The following PKHD1L1 variants were observed in gnomAD, a reference collection of about 807,000 sequenced individuals.
The protein encoded by PKHD1L1 is PKHD1 like 1.
Under a neutral mutation model 462.9 loss-of-function variants are expected in PKHD1L1, and 434 were observed. The ratio of observed to expected loss-of-function variants is 0.94; its 90% CI spans 0.87 to 1.02. The LOEUF (loss-of-function observed/expected upper bound fraction) is 1.02. PKHD1L1 is among the 50% of genes least tolerant of loss of function. The pLI, the probability that PKHD1L1 is intolerant of heterozygous loss-of-function variation, is 0.00. For missense variants in PKHD1L1, 5,202 were observed against 5,096.1 expected (o/e 1.02, Z -0.63); for synonymous variants, 1,781 against 1,750.0 (o/e 1.02, Z -0.44).
At chr8:109,448,416 G>A (rs185796740) in intron 39 of PKHD1L1, 25 bp downstream of exon 39, 4 of 1,564,722 alleles carry the variant, frequency 2.6e-6, no homozygotes, top group African/African-American at 1.4e-5. Context: ...GCAAGAACCT[G>A]CAGATATTTT....
At position 109,442,998 on chromosome 8, in the gene PKHD1L1, G is replaced by T. The variant is rs1443621775; in HGVS notation, c.4446G>T (p.Gly1482=). The change falls in exon 36 of 78, where the codon GGG becomes GGT. Residue 1482 remains glycine (G), a synonymous_variant. Transcript: ENST00000378402. ...CTGGAATCCATTATTATAGCAGCGG[G>T]TATGTTGATGAGGCTCACTCCATTT... ...TSPGIHYYSS[G]YVDEAHSIFL... is the part of the protein sequence containing the mutation. 6.2e-7 allele frequency: 1 copy of T among 1,613,452 alleles called. No homozygotes were observed. Among genetic ancestry groups the T allele is most frequent in the East Asian group, 2.2e-5 (1 of 44,898 alleles).
chr8:109,402,901 TC>T (rs1813346238), intron 14 of PKHD1L1, among the ~76,000 whole-genome samples: 1 of 152,130 alleles, frequency 6.6e-6, no homozygotes, highest in South Asian at 2.1e-4. Context: ...AGAGTTTCAT[TC>T]CTTTTTTATC....
intron 70 of PKHD1L1, among the ~76,000 whole-genome samples, chr8:109,510,128 C>G (rs1445925455): frequency 6.6e-6 from 1 of 152,026 alleles, no homozygotes; most frequent in East Asian, 1.9e-4. Context: ...TCATAACTGT[C>G]AACAAAAATT....
chr8:109,470,864 A>C, intron 50 of PKHD1L1: 1 of 1,517,360 alleles, frequency 6.6e-7, no homozygotes, highest in Non-Finnish European at 9.1e-7. Context: ...GCAGGAAAGA[A>C]GATCCTGAAA....
intron 21 of PKHD1L1, among the ~76,000 whole-genome samples, chr8:109,418,531 T>C (rs980378825): frequency 4.1e-4 from 63 of 152,364 alleles, no homozygotes; most frequent in African/African-American, 1.4e-3. Context: ...GGGATTCCAA[T>C]GCAGTTATGA....
intron 63 of PKHD1L1, among the ~76,000 whole-genome samples, chr8:109,496,379 CAGA>C (rs1373501492): frequency 7.2e-5 from 11 of 152,194 alleles, no homozygotes; most frequent in South Asian, 2.1e-4. Flanking sequence ...ATGGGATGGC[CAGA>C]AGGACATAGC....
intron 63 of PKHD1L1, 28 bp downstream of exon 63, chr8:109,493,779 A>C: frequency 7.0e-7 from 1 of 1,432,776 alleles, no homozygotes; most frequent in Non-Finnish European, 9.6e-7. Context: ...GGAATCGCTA[A>C]AACTAGGAAA....
chr8:109,443,771 A>G lies in PKHD1L1; in HGVS notation c.4660A>G (p.Lys1554Glu). ...SLNNTRVKNSKRLLFEVSSCF... is the reference protein window; with the variant it reads ...SLNNTRVKNSERLLFEVSSCF... ...GAACAATACCAGGGTTAAAAATTCA[A>G]AAAGATTGCTATTTGAGGTTTCAAG... is the stretch of plus-strand genomic sequence containing the variant. Residue 1554 changes from lysine to glutamate, a missense_variant, in exon 37 of 78, where the codon AAA becomes GAA. Lys to Glu is a moderately conservative substitution (Grantham distance 56, BLOSUM62 1). This residue lies in a region of PKHD1L1 where 4,497 missense variants were observed against 4,336.8 expected (regional missense o/e 1.04). Transcript: ENST00000378402. The G allele has an allele frequency of 6.2e-7, 1 of 1,613,912 alleles. No individual in the cohort carries two copies. The highest frequency in any genetic ancestry group is 8.5e-7 in the Non-Finnish European group (1 of 1,179,796).
At chr8:109,394,040 G>A (rs1206943813) in intron 9 of PKHD1L1, among the ~76,000 whole-genome samples, 1 of 151,770 alleles carries the variant, frequency 6.6e-6, no homozygotes, top group Non-Finnish European at 1.5e-5. Flanking sequence ...TGGGCATGGT[G>A]GCATGCGCCT....
At chr8:109,461,393 TA>T (rs1412741226) in intron 47 of PKHD1L1, among the ~76,000 whole-genome samples, 3 of 152,160 alleles carry the variant, frequency 2.0e-5, no homozygotes, top group Non-Finnish European at 4.4e-5. Flanking sequence ...TGTAAAAAAG[TA>T]AGTGACATAA....
intron 21 of PKHD1L1, among the ~76,000 whole-genome samples, chr8:109,415,855 A>C (rs1814125684): frequency 8.4e-6 from 1 of 118,586 alleles, no homozygotes; most frequent in Non-Finnish European, 1.8e-5. Context: ...CTTAAAAAAA[A>C]AAAAAAGGGG....
rs201092016 is a variant in PKHD1L1 at position 109,522,760 on chromosome 8, T to G, written c.12200T>G (p.Val4067Gly). The change falls in exon 75 of 78, where the codon GTT (valine) becomes GGT (glycine). Residue 4067 changes from valine (V) to glycine (G), a missense_variant. Coordinates refer to ENST00000378402, the MANE Select transcript of PKHD1L1 (RefSeq NM_177531.6). ...SGWIKVTAQP[V>G]ERSAFPVHHV... ...CATTCACAGGTGACTGCCCAGCCAG[T>G]TGAAAGGTCTGCATTTCCTGTTCAT... 7.3e-5 allele frequency: 118 copies of G among 1,610,686 alleles called. 1 individual carries two copies. In the African/African-American group the frequency reaches 1.2e-3, roughly 17 times the overall value.
Position 109,498,742 on chromosome 8 carries a change from A to G in PKHD1L1, c.10799A>G (p.Asn3600Ser), listed in dbSNP as rs777568063. ...CCCCATGCAGGAATCATGAGTTACA[A>G]TGCCATCAGTGGCCTTTTGGACATC... ...RKPHAGIMSY[N>S]AISGLLDISG... is the part of the protein sequence containing the mutation. The change falls in exon 67 of 78, where the codon AAT (asparagine) becomes AGT (serine). Residue 3600 changes from asparagine (N) to serine (S), a missense_variant. Asn to Ser is a conservative substitution (Grantham distance 46). This residue lies in a region of PKHD1L1 where 4,497 missense variants were observed against 4,336.8 expected (regional missense o/e 1.04). Coordinates refer to ENST00000378402, the MANE Select transcript of PKHD1L1 (RefSeq NM_177531.6). 2.1e-5 allele frequency: 34 copies of G among 1,613,682 alleles called. No homozygotes were observed. Among genetic ancestry groups the G allele is most frequent in the Non-Finnish European group, 2.6e-5 (31 of 1,179,758 alleles).
Position 109,434,197 on chromosome 8 carries a change from A to G in PKHD1L1, c.3340+981A>G, listed in dbSNP as rs965179463. ...AAACCACGATGATATGTGTATATCT[A>G]TGTAATAAACCTGCATGTTCTGCAC... On this transcript the variant is annotated intron_variant, in intron 28 of 77. Transcript: ENST00000378402. 1.3e-4 allele frequency among the ~76,000 whole-genome samples: 20 copies of G among 152,244 alleles called. No homozygotes were observed. In the East Asian group the frequency reaches 2.3e-3, roughly 18 times the overall value.
intron 29 of PKHD1L1, among the ~76,000 whole-genome samples, chr8:109,435,612 C>T (rs1433752929): frequency 6.6e-6 from 1 of 152,204 alleles, no homozygotes; most frequent in Non-Finnish European, 1.5e-5. Flanking sequence ...GTTTCTATAA[C>T]AAGCACATCA....
At chr8:109,466,497 G>A in intron 49 of PKHD1L1, 81 bp from the exon 50 acceptor site, 1 of 1,355,812 alleles carries the variant, frequency 7.4e-7, no homozygotes, top group Non-Finnish European at 9.9e-7. Context: ...GGTACTATGG[G>A]TCACAATTCT....
chr8:109,481,935 T>A (rs541368324), intron 56 of PKHD1L1, among the ~76,000 whole-genome samples: 1 of 151,972 alleles, frequency 6.6e-6, no homozygotes, highest in African/African-American at 2.4e-5. Flanking sequence ...CACATTTTGG[T>A]ACCTTTCCTT....
At chr8:109,430,200 A>G (rs962991540) in intron 27 of PKHD1L1, among the ~76,000 whole-genome samples, 163 bp downstream of exon 27, 35 of 152,214 alleles carry the variant, frequency 2.3e-4, no homozygotes, top group African/African-American at 8.4e-4. Context: ...GAAAAAAACT[A>G]TGGAAAGGGC....
intron 2 of PKHD1L1, among the ~76,000 whole-genome samples, chr8:109,370,278 G>C (rs1416525718): frequency 2.0e-5 from 3 of 151,832 alleles, no homozygotes; most frequent in African/African-American, 7.3e-5. Context: ...ACTGCATCTG[G>C]CTATTTTTTA....
Sources: allele counts gnomAD v4.1 joint callset (sites outside exome capture counted in the v4.1 genomes callset), GRCh38; gene constraint gnomAD v4.1.1; regional missense constraint gnomAD v4.1.1; transcripts MANE v1.5; gene names NCBI Gene and HGNC (gene_info 2026-07-23, HGNC 2026-07-21).